ZC2HC1B: variants seen among roughly 807,000 people sequenced by gnomAD.
ZC2HC1B encodes the protein zinc finger C2HC-type containing 1B.
A neutral mutation model predicts 31.0 loss-of-function variants in ZC2HC1B; 36 were observed. That is an observed-to-expected ratio of 1.16 (90% CI 0.89 to 1.54). The LOEUF is 1.54. ZC2HC1B is among the 40% of genes most tolerant of loss of function. ZC2HC1B has a pLI of 0.00. For missense variants in ZC2HC1B, 260 were observed against 268.6 expected (o/e 0.97, Z 0.22); for synonymous variants, 73 against 88.0 (o/e 0.83, Z 0.95).
chr6:143,889,991 G>A (rs1324653448), intron 4 of ZC2HC1B, among the ~76,000 whole-genome samples: 1 of 152,082 alleles, frequency 6.6e-6, no homozygotes, highest in East Asian at 1.9e-4. Context: ...AATTAGAAAT[G>A]TATGACAAAA....
rs1777884149 is a variant in ZC2HC1B, at chr6:143,913,472, G to T, written c.598+10320G>T. On this transcript the variant is annotated intron_variant, in intron 6 of 7. Coordinates refer to ENST00000237275, the MANE Select transcript of ZC2HC1B (RefSeq NM_001013623.3). The surrounding 1 kb of genome is among the most constrained non-coding windows in gnomAD (Gnocchi z 5.7). ...ATTCCAAGACAGTGGGTCTTATCTTGTCAGGTGTGGTGGAAGTGGGGTCTA... is the reference window on the plus strand; with the variant it reads ...ATTCCAAGACAGTGGGTCTTATCTTTTCAGGTGTGGTGGAAGTGGGGTCTA... Among the ~76,000 whole-genome samples the T allele has an allele frequency of 6.6e-6, 1 of 152,214 alleles. No individual in the cohort carries two copies. Among genetic ancestry groups the T allele is most frequent in the Non-Finnish European group, 1.5e-5 (1 of 68,040 alleles).
At position 143,912,462 on chromosome 6, in the gene ZC2HC1B, A is replaced by G. The variant is rs962595533; in HGVS notation, c.598+9310A>G. ...ATGGGTTTTGTTGTTGTTGTTTTCT[A>G]TTTGTTTGTTTTTCTTTTAACAGCC... On this transcript the variant is annotated intron_variant, in intron 6 of 7. Transcript: ENST00000237275. Among the ~76,000 whole-genome samples the G allele has an allele frequency of 2.6e-5, 4 of 151,938 alleles. No homozygotes were observed. In the East Asian group the frequency reaches 7.7e-4, roughly 29 times the overall value.
At chr6:143,904,957 A>ATATTT (rs1777777553) in intron 6 of ZC2HC1B, among the ~76,000 whole-genome samples, 1 of 152,190 alleles carries the variant, frequency 6.6e-6, no homozygotes, top group East Asian at 1.9e-4. Flanking sequence ...TGCCAGTATT[A>ATATTT]TATTTCCTTG....
At chr6:143,875,941 G>T (rs1050634554) in intron 1 of ZC2HC1B, among the ~76,000 whole-genome samples, 1 of 150,588 alleles carries the variant, frequency 6.6e-6, no homozygotes, top group Non-Finnish European at 1.5e-5. Flanking sequence ...CCTCATCAGA[G>T]TTTACAAACT....
chr6:143,882,565 T>C (rs1050644896), intron 1 of ZC2HC1B, among the ~76,000 whole-genome samples: 6 of 151,744 alleles, frequency 4.0e-5, no homozygotes, highest in Non-Finnish European at 5.9e-5. Flanking sequence ...CAAACTGTCT[T>C]CCTTCAATTT....
rs1331482242 is a variant in ZC2HC1B at position 143,886,702 on chromosome 6, C to CT, written c.231dup (p.Asn78Ter). ...TTACAGTCTCCACCTGTGAGGAAGT[C>CT]TAACTGGAGACAACAACATGAAGAC... On this transcript the variant is annotated frameshift_variant, in exon 4 of 8. Coordinates refer to ENST00000237275, the MANE Select transcript of ZC2HC1B (RefSeq NM_001013623.3). LOFTEE classifies it high-confidence loss of function. This position sits in a 1 kb window ranked among gnomAD's most constrained non-coding sequence, Gnocchi z 4.2. 6.5e-7 allele frequency: 1 copy of CT among 1,543,404 alleles called. No individual in the cohort carries two copies. Among genetic ancestry groups the CT allele is most frequent in the Non-Finnish European group, 8.7e-7 (1 of 1,143,232 alleles).
In ZC2HC1B at chr6:143,898,561, A is replaced by T; in HGVS notation, c.359A>T (p.Gln120Leu). Residue 120 changes from glutamine to leucine, a missense_variant, in exon 5 of 8, where the codon CAA becomes CTA. Coordinates refer to ENST00000237275, the MANE Select transcript of ZC2HC1B (RefSeq NM_001013623.3). ...TTATCTTTACATTCAGATTATATTC[A>T]ACGTCCATATTGTATGAGAAGGTTT... ...PPPSLNPDYI[Q>L]RPYCMRRFNE... 1 of 1,551,662 alleles carries T rather than the reference A, an allele frequency of 6.4e-7. No homozygotes were observed. The highest frequency in any genetic ancestry group is 8.7e-7 in the Non-Finnish European group (1 of 1,146,942).
chr6:143,933,369 C>T lies in ZC2HC1B; in HGVS notation c.599-4280C>T, dbSNP rs1382395387. ...AATTTGGCCAGGACAAGTATTCAGG[C>T]TTCTCAGGTGATGGATGGGATCATA... On this transcript the variant is annotated intron_variant, in intron 6 of 7. Coordinates refer to ENST00000237275, the MANE Select transcript of ZC2HC1B (RefSeq NM_001013623.3). This position sits in a 1 kb window ranked among gnomAD's most constrained non-coding sequence, Gnocchi z 6.4. 1.3e-5 allele frequency among the ~76,000 whole-genome samples: 2 copies of T among 152,162 alleles called. No homozygotes were observed. The highest frequency in any genetic ancestry group is 4.8e-5 in the African/African-American group (2 of 41,420).
intron 6 of ZC2HC1B, among the ~76,000 whole-genome samples, chr6:143,932,353 G>T (rs1242972728): frequency 6.6e-6 from 1 of 152,152 alleles, no homozygotes; most frequent in African/African-American, 2.4e-5. Flanking sequence ...TCATTTAAAA[G>T]AAATGTTTTT....
chr6:143,904,092 G>A (rs1369119918), intron 6 of ZC2HC1B, among the ~76,000 whole-genome samples: 1 of 152,170 alleles, frequency 6.6e-6, no homozygotes, highest in Non-Finnish European at 1.5e-5. Flanking sequence ...AATGACTTAT[G>A]AGGTTAAGCC....
In ZC2HC1B at chr6:143,913,680, G is replaced by T. The variant is rs1777886373; in HGVS notation, c.598+10528G>T. Among the ~76,000 whole-genome samples, 1 of 152,334 alleles carries T rather than the reference G, an allele frequency of 6.6e-6. No homozygotes were observed. ...ATGTGACAGATCCAAGGCTCTGGTG[G>T]CATAGGCTCACAAGGGGATCTCCTG... On this transcript the variant is annotated intron_variant, in intron 6 of 7. Coordinates refer to ENST00000237275, the MANE Select transcript of ZC2HC1B (RefSeq NM_001013623.3). This position sits in a 1 kb window ranked among gnomAD's most constrained non-coding sequence, Gnocchi z 5.7.
chr6:143,933,148 G>A lies in ZC2HC1B; in HGVS notation c.599-4501G>A, dbSNP rs1778141467. Among the ~76,000 whole-genome samples the A allele has an allele frequency of 6.6e-6, 1 of 152,202 alleles. No homozygotes were observed. The highest frequency in any genetic ancestry group is 1.5e-5 in the Non-Finnish European group (1 of 68,022). ...ATGCTAGCAGCGAAGTTGTCATGTG[G>A]ACAGACTCGGGACCACTGGTTAGCC... On this transcript the variant is annotated intron_variant, in intron 6 of 7. Coordinates refer to ENST00000237275, the MANE Select transcript of ZC2HC1B (RefSeq NM_001013623.3). The surrounding 1 kb of genome is among the most constrained non-coding windows in gnomAD (Gnocchi z 6.4).
Position 143,865,305 on chromosome 6 carries a change from T to C in ZC2HC1B, c.28+738T>C, listed in dbSNP as rs1271693620. 6.6e-6 allele frequency among the ~76,000 whole-genome samples: 1 copy of C among 152,178 alleles called. No individual in the cohort carries two copies. Among genetic ancestry groups the C allele is most frequent in the Non-Finnish European group, 1.5e-5 (1 of 68,016 alleles). ...AGCCACATGGTCTGAGGAGGCAGGATAGGTGCAGCGAAATGTAACTGGCAA... is the reference window on the plus strand; with the variant it reads ...AGCCACATGGTCTGAGGAGGCAGGACAGGTGCAGCGAAATGTAACTGGCAA... On this transcript the variant is annotated intron_variant, in intron 1 of 7. Transcript: ENST00000237275. The surrounding 1 kb of genome is among the most constrained non-coding windows in gnomAD (Gnocchi z 4.4).
At chr6:143,880,328 A>C (rs1251465072) in intron 1 of ZC2HC1B, among the ~76,000 whole-genome samples, 1 of 152,126 alleles carries the variant, frequency 6.6e-6, no homozygotes, top group Non-Finnish European at 1.5e-5. Context: ...TTTTCTTCCA[A>C]AGGGTTTCTT....
intron 1 of ZC2HC1B, chr6:143,881,849 A>C (rs957359400): frequency 1.5e-4 from 23 of 152,274 alleles, no homozygotes; most frequent in African/African-American, 5.3e-4. Flanking sequence ...GTGGTGGTCC[A>C]TCTGTATCCA....
rs1777938324 is a variant in ZC2HC1B, at chr6:143,917,997, C to A, written c.598+14845C>A. Among the ~76,000 whole-genome samples, 1 of 152,148 alleles carries A rather than the reference C, an allele frequency of 6.6e-6. No individual in the cohort carries two copies. The highest frequency in any genetic ancestry group is 1.5e-5 in the Non-Finnish European group (1 of 68,032). On this transcript the variant is annotated intron_variant, in intron 6 of 7. Coordinates refer to ENST00000237275, the MANE Select transcript of ZC2HC1B (RefSeq NM_001013623.3). This position sits in a 1 kb window ranked among gnomAD's most constrained non-coding sequence, Gnocchi z 4.1. ...CAATAGTACTAGCTTTTATAATTGT[C>A]CATGCATTTACCTTTATTGAGATTT...
chr6:143,878,118 A>T (rs1777428673), intron 1 of ZC2HC1B, among the ~76,000 whole-genome samples: 1 of 150,880 alleles, frequency 6.6e-6, no homozygotes. Context: ...TACTTGTGGC[A>T]CTTTTACAGT....
chr6:143,898,552 A>T lies in ZC2HC1B; in HGVS notation c.350A>T (p.Asp117Val). 1 of 1,551,586 alleles carries T rather than the reference A, an allele frequency of 6.4e-7. No homozygotes were observed. The highest frequency in any genetic ancestry group is 8.7e-7 in the Non-Finnish European group (1 of 1,146,888). The change falls in exon 5 of 8, where the codon GAT becomes GTT. Residue 117 changes from aspartate to valine, a missense_variant and splice_region_variant. By Grantham distance (152) the Asp-to-Val change is radical. Transcript: ENST00000237275. Reference sequence around the variant, plus strand: ...CATTTGTTGTTATCTTTACATTCAGATTATATTCAACGTCCATATTGTATG... The same window carrying T: ...CATTTGTTGTTATCTTTACATTCAGTTTATATTCAACGTCCATATTGTATG... Reference protein sequence around the residue: ...PPPPPPSLNPDYIQRPYCMRR... With the variant: ...PPPPPPSLNPVYIQRPYCMRR...
Position 143,913,941 on chromosome 6 carries a change from T to C in ZC2HC1B, c.598+10789T>C, listed in dbSNP as rs1212393928. 1.3e-5 allele frequency among the ~76,000 whole-genome samples: 2 copies of C among 152,256 alleles called. No individual in the cohort carries two copies. Among genetic ancestry groups the C allele is most frequent in the Non-Finnish European group, 2.9e-5 (2 of 68,044 alleles). On this transcript the variant is annotated intron_variant, in intron 6 of 7. Coordinates refer to ENST00000237275, the MANE Select transcript of ZC2HC1B (RefSeq NM_001013623.3). The surrounding 1 kb of genome is among the most constrained non-coding windows in gnomAD (Gnocchi z 5.7). ...TGTATTCACTTGCCTGTTTTGTTCC[T>C]TTCTGTGAGTGCTGTGGACCACAGC...
Sources: gnomAD v4.1 joint callset for allele counts (sites outside exome capture counted in the v4.1 genomes callset) on GRCh38, gnomAD v4.1.1 for gene constraint, Gnocchi (gnomAD v3.1) non-coding constraint, MANE v1.5 for transcripts, NCBI Gene and HGNC (gene_info 2026-07-23, HGNC 2026-07-21) for gene names.